Variants in SLCO2A1 observed in about 807,000 individuals in gnomAD.
SLCO2A1 encodes the protein matrin F/G 1.
SLCO2A1 carries 60 observed loss-of-function variants against 71.7 expected under a neutral mutation model. The observed-to-expected ratio is 0.84, with a 90% CI of 0.68 to 1.04. The LOEUF (loss-of-function observed/expected upper bound fraction) is 1.04. Ranked by LOEUF, SLCO2A1 falls within the 50% of genes least tolerant of loss-of-function variation. SLCO2A1 has a pLI of 0.00. For synonymous variants in SLCO2A1, 308 were observed against 326.7 expected, an observed-to-expected ratio of 0.94 and a Z score of 0.62; for missense variants, 745 against 813.4, an observed-to-expected ratio of 0.92 and a Z score of 1.02.
At chr3:133,984,008 G>C (rs1467185991) in intron 1 of SLCO2A1, among the ~76,000 whole-genome samples, 1 of 152,316 alleles carries the variant, frequency 6.6e-6, no homozygotes, top group African/African-American at 2.4e-5. Flanking sequence ...CCAGAAGGAG[G>C]AGAGCATAAG....
At chr3:133,959,651 C>A (rs559957247) in intron 3 of SLCO2A1, among the ~76,000 whole-genome samples, 1 of 152,042 alleles carries the variant, frequency 6.6e-6, no homozygotes, top group Non-Finnish European at 1.5e-5. Context: ...ATGGCAAAAC[C>A]CTGTCTCTAC....
chr3:133,955,557 G>C (rs1176574255), intron 3 of SLCO2A1, among the ~76,000 whole-genome samples: 1 of 152,178 alleles, frequency 6.6e-6, no homozygotes, highest in Non-Finnish European at 1.5e-5. Context: ...GGGGCACCCA[G>C]CTGGAAAAGG....
chr3:133,943,227 C>A (rs576809695), intron 10 of SLCO2A1, among the ~76,000 whole-genome samples: 49 of 152,200 alleles, frequency 3.2e-4, no homozygotes, highest in Non-Finnish European at 5.7e-4. Context: ...TTCTGTCAGG[C>A]CTTTGCTGGA....
chr3:133,934,567 G>A lies in SLCO2A1; in HGVS notation c.*146C>T, dbSNP rs1487920689. ...ACTGTGGGGAGGACTCTGGGAGGAAGAGGTAGGGAAGGCAAATGAGGACTG... is the reference window on the plus strand; with the variant it reads ...ACTGTGGGGAGGACTCTGGGAGGAAAAGGTAGGGAAGGCAAATGAGGACTG... On this transcript the variant is annotated 3_prime_UTR_variant, in exon 14 of 14. Coordinates refer to ENST00000310926, the MANE Select transcript of SLCO2A1 (RefSeq NM_005630.3). 5 of 611,916 alleles carry A rather than the reference G, an allele frequency of 8.2e-6. No homozygotes were observed. Among genetic ancestry groups the A allele is most frequent in the Non-Finnish European group, 1.4e-5 (5 of 346,126 alleles). The allele number at this position is 611,916 out of a possible 1,614,324, so 37.9% of individuals were successfully genotyped here. A position where few individuals can be genotyped will look rare whatever the true frequency, so the allele number is the denominator to read the frequency against.
rs139134446 is a variant in SLCO2A1 at position 133,955,496 on chromosome 3, C to T, written c.398-303G>A. 239 of 388,476 alleles carry T rather than the reference C, an allele frequency of 6.2e-4. 1 individual carries two copies. The highest frequency in any genetic ancestry group is 2.8e-3 in the Middle Eastern group (4 of 1,412). The allele number at this position is 388,476 out of a possible 1,614,324, so 24.1% of individuals were successfully genotyped here. A position where few individuals can be genotyped will look rare whatever the true frequency, so the allele number is the denominator to read the frequency against. On this transcript the variant is annotated intron_variant, in intron 3 of 13. Transcript: ENST00000310926. The stretch of plus-strand genomic sequence containing the variant: ...GTCCATGCCTTCTCCTCCATGGGCA[C>T]TGGTGGGGAGCTGAGCACGGAGAAG...
At chr3:133,950,547 C>G (rs982710553) in intron 6 of SLCO2A1, among the ~76,000 whole-genome samples, 6 of 152,188 alleles carry the variant, frequency 3.9e-5, no homozygotes, top group African/African-American at 1.4e-4. Context: ...TTCCCTACCC[C>G]CTAAACTCAA....
chr3:133,942,657 C>T lies in SLCO2A1; in HGVS notation c.1573G>A (p.Val525Met), dbSNP rs148949815. 49 of 1,613,380 alleles carry T rather than the reference C, an allele frequency of 3.0e-5. No homozygotes were observed. Among genetic ancestry groups the T allele is most frequent in the African/African-American group, 1.3e-4 (10 of 74,792 alleles). Residue 525 changes from valine to methionine, a missense_variant, in exon 11 of 14, where the codon GTG becomes ATG. Physicochemically the swap from Val to Met is conservative, Grantham distance 21. Coordinates refer to ENST00000310926, the MANE Select transcript of SLCO2A1 (RefSeq NM_005630.3). Reference protein sequence around the residue: ...LLPAIFLISFVSLIACISHNP... With the variant: ...LLPAIFLISFMSLIACISHNP... The stretch of plus-strand genomic sequence containing the variant: ...TGGGAGATGCAGGCTATCAGGGACA[C>T]GAAGGAGATGAGGAAGATGGCCGGG...
At chr3:133,979,372 G>T (rs2108058176) in intron 2 of SLCO2A1, 109 bp downstream of exon 2, 1 of 1,343,752 alleles carries the variant, frequency 7.4e-7, no homozygotes, top group Non-Finnish European at 1.1e-6. Flanking sequence ...GCAGAAAGAG[G>T]CATTGCACCT....
At chr3:133,988,664 G>C (rs564841676) in intron 1 of SLCO2A1, among the ~76,000 whole-genome samples, 5 of 152,260 alleles carry the variant, frequency 3.3e-5, no homozygotes, top group African/African-American at 1.2e-4. Context: ...GGGAGAGTTC[G>C]GGGTACTGAG....
chr3:133,965,427 G>A (rs949398571), intron 3 of SLCO2A1, among the ~76,000 whole-genome samples: 2 of 152,192 alleles, frequency 1.3e-5, no homozygotes, highest in Admixed American at 1.3e-4. Context: ...CGCTTGTCAC[G>A]GACTTTGGAG....
chr3:134,012,200 T>C (rs58818847), intron 1 of SLCO2A1, among the ~76,000 whole-genome samples: 16,830 of 152,128 alleles, frequency 0.11, 1,221 homozygotes, highest in East Asian at 0.37. Flanking sequence ...ACTACCTGGT[T>C]TTCTATTTCA....
chr3:133,941,234 T>C (rs1933411672), intron 11 of SLCO2A1, among the ~76,000 whole-genome samples: 1 of 152,196 alleles, frequency 6.6e-6, no homozygotes, highest in African/African-American at 2.4e-5. Flanking sequence ...CCTAGCCTTC[T>C]GGGGAAAATA....
chr3:134,000,255 C>T (rs1004597854), intron 1 of SLCO2A1, among the ~76,000 whole-genome samples: 2 of 152,120 alleles, frequency 1.3e-5, no homozygotes, highest in Non-Finnish European at 2.9e-5. Context: ...TCCAGGGAGG[C>T]ACTGGGAGTG....
chr3:134,002,389 G>A (rs919114850), intron 1 of SLCO2A1, among the ~76,000 whole-genome samples: 1 of 152,188 alleles, frequency 6.6e-6, no homozygotes, highest in Non-Finnish European at 1.5e-5. Flanking sequence ...GCCTTCCCTG[G>A]CAAACCTAAG....
intron 1 of SLCO2A1, among the ~76,000 whole-genome samples, chr3:134,022,839 T>C (rs1935618413): frequency 6.6e-6 from 1 of 152,204 alleles, no homozygotes; most frequent in African/African-American, 2.4e-5. Context: ...AGGAAATTTC[T>C]CAGTAAAAAG....
In SLCO2A1 at chr3:133,951,278, G is replaced by C; in HGVS notation, c.791C>G (p.Ser264Cys). The C allele has an allele frequency of 6.2e-7, 1 of 1,614,158 alleles. No individual in the cohort carries two copies. Among genetic ancestry groups the C allele is most frequent in the Non-Finnish European group, 8.5e-7 (1 of 1,180,024 alleles). The change falls in exon 6 of 14, where the codon TCT (serine) becomes TGT (cysteine). Residue 264 changes from serine (S) to cysteine (C), a missense_variant. By Grantham distance (112) the Ser-to-Cys change is moderately radical. Transcript: ENST00000310926. ...AGAGGTGAGAACCAATAAAGCTGAAGAAATGAGCAGGCCTAGCCACCAGGC... is the reference window on the plus strand; with the variant it reads ...AGAGGTGAGAACCAATAAAGCTGAACAAATGAGCAGGCCTAGCCACCAGGC... ...IGAWWLGLLI[S>C]SALLVLTSFP...
chr3:133,992,943 G>A (rs1293287745), intron 1 of SLCO2A1, among the ~76,000 whole-genome samples: 1 of 151,128 alleles, frequency 6.6e-6, no homozygotes, highest in Admixed American at 6.6e-5. Flanking sequence ...TCATGAGTGT[G>A]GGTGCTGTCA....
chr3:133,955,811 G>A (rs139824520), intron 3 of SLCO2A1, among the ~76,000 whole-genome samples: 106 of 152,312 alleles, frequency 7.0e-4, no homozygotes, highest in Non-Finnish European at 1.2e-3. Context: ...TATCCTTACC[G>A]TTCCGGGGAA....
intron 11 of SLCO2A1, among the ~76,000 whole-genome samples, chr3:133,942,154 C>T (rs1933441298): frequency 6.6e-6 from 1 of 152,212 alleles, no homozygotes. Flanking sequence ...CCACCACGCC[C>T]AGCTAATTTT....
Sources: allele counts gnomAD v4.1 joint callset (sites outside exome capture counted in the v4.1 genomes callset), GRCh38; gene constraint gnomAD v4.1.1; transcripts MANE v1.5; gene names NCBI Gene and HGNC (gene_info 2026-07-23, HGNC 2026-07-21).